CNTNAP2: variants seen among roughly 807,000 people sequenced by gnomAD.
CNTNAP2 encodes contactin-associated protein-like 2.
CNTNAP2 carries 98 observed loss-of-function variants against 155.2 expected under a neutral mutation model. The observed-to-expected ratio is 0.63, with a 90% CI of 0.54 to 0.75. CNTNAP2 has a LOEUF of 0.75. Ranked by LOEUF, CNTNAP2 falls within the 30% of genes least tolerant of loss-of-function variation. CNTNAP2 has a pLI of 0.00. For missense variants in CNTNAP2, 1,727 were observed against 1,688.1 expected (o/e 1.02, Z -0.40); for synonymous variants, 651 against 631.2 (o/e 1.03, Z -0.47).
intron 1 of CNTNAP2, among the ~76,000 whole-genome samples, chr7:146,577,795 T>C (rs1798547611): frequency 1.3e-5 from 2 of 152,106 alleles, no homozygotes; most frequent in Non-Finnish European, 2.9e-5. Flanking sequence ...TCAAGCATGT[T>C]CATTTTTGAT....
intron 13 of CNTNAP2, among the ~76,000 whole-genome samples, chr7:147,741,072 G>C (rs1454564303): frequency 2.0e-5 from 3 of 152,232 alleles, no homozygotes; most frequent in Admixed American, 2.0e-4. Context: ...GGAAGGCAAA[G>C]AGAAGTCTGC....
At chr7:146,694,467 C>A (rs1800749775) in intron 1 of CNTNAP2, among the ~76,000 whole-genome samples, 1 of 152,056 alleles carries the variant, frequency 6.6e-6, no homozygotes, top group Admixed American at 6.6e-5. Flanking sequence ...ATGTATTTGC[C>A]TATTCTTTCA....
At chr7:147,503,219 T>A (rs1480800620) in intron 11 of CNTNAP2, among the ~76,000 whole-genome samples, 1 of 152,140 alleles carries the variant, frequency 6.6e-6, no homozygotes, top group Non-Finnish European at 1.5e-5. Flanking sequence ...TACCTTGACT[T>A]GTACATGCCT....
intron 3 of CNTNAP2, among the ~76,000 whole-genome samples, chr7:146,850,977 T>G (rs910148768): frequency 2.0e-5 from 3 of 152,048 alleles, no homozygotes; most frequent in Admixed American, 6.6e-5. Flanking sequence ...GTTGGTATTT[T>G]ATTTATTTTT....
At chr7:146,599,603 TCTC>T (rs34896994) in intron 1 of CNTNAP2, among the ~76,000 whole-genome samples, 25,125 of 151,854 alleles carry the variant, frequency 0.17, 3,447 homozygotes, top group African/African-American at 0.38. Flanking sequence ...CCATAATTCT[TCTC>T]CTCCTTATAT....
Position 147,960,320 on chromosome 7 carries a change from C to T in CNTNAP2, c.2256-17542C>T, listed in dbSNP as rs892934935. Among the ~76,000 whole-genome samples, 3 of 152,204 alleles carry T rather than the reference C, an allele frequency of 2.0e-5. No homozygotes were observed. The South Asian group carries it at 6.2e-4, about 32-fold the overall frequency. On this transcript the variant is annotated intron_variant, in intron 14 of 23. Transcript: ENST00000361727. ...TGAGTGAGCAGGACAAGTTAGAGTT[C>T]TATGAGGAAGCTTTATGCCGTCACT...
chr7:146,847,733 C>T (rs1352631698), intron 3 of CNTNAP2, among the ~76,000 whole-genome samples: 1 of 152,110 alleles, frequency 6.6e-6, no homozygotes, highest in African/African-American at 2.4e-5. Flanking sequence ...ACAAATGACT[C>T]ATTTGGAAGT....
intron 4 of CNTNAP2, among the ~76,000 whole-genome samples, chr7:147,063,808 A>G (rs889848601): frequency 4.6e-5 from 7 of 152,248 alleles, no homozygotes; most frequent in Middle Eastern, 3.4e-3. Flanking sequence ...TAAAATCTAT[A>G]TTTTCAATAT....
At chr7:146,127,257 C>T (rs950090147) in intron 1 of CNTNAP2, among the ~76,000 whole-genome samples, 4 of 152,128 alleles carry the variant, frequency 2.6e-5, no homozygotes, top group African/African-American at 9.7e-5. Context: ...CGGTCCAAGC[C>T]TCAGAATCTT....
At chr7:147,995,228 A>AC (rs2116886415) in intron 15 of CNTNAP2, among the ~76,000 whole-genome samples, 1 of 152,228 alleles carries the variant, frequency 6.6e-6, no homozygotes, top group South Asian at 2.1e-4. Flanking sequence ...TTTAGCACAA[A>AC]CCACATTGTT....
chr7:146,404,124 C>CAAAAAAAAAAAAAAA (rs1163559597), intron 1 of CNTNAP2, among the ~76,000 whole-genome samples: 5 of 72,742 alleles, frequency 6.9e-5, no homozygotes, highest in Middle Eastern at 8.6e-3. Context: ...GACTCCGTCT[C>CAAAAAAAAAAAAAAA]AAAAAAAAAA....
chr7:147,139,246 T>C (rs748689823), intron 8 of CNTNAP2, among the ~76,000 whole-genome samples: 1 of 152,066 alleles, frequency 6.6e-6, no homozygotes, highest in Non-Finnish European at 1.5e-5. Context: ...TTCATTTAAG[T>C]GTAAGGGCTG....
chr7:146,757,722 TAC>T (rs1468774769), intron 1 of CNTNAP2, among the ~76,000 whole-genome samples: 7 of 152,192 alleles, frequency 4.6e-5, no homozygotes, highest in Non-Finnish European at 7.4e-5. Context: ...GGGAAAATAG[TAC>T]AGTGATTTCC....
At chr7:146,570,785 C>T (rs969348255) in intron 1 of CNTNAP2, among the ~76,000 whole-genome samples, 1 of 151,828 alleles carries the variant, frequency 6.6e-6, no homozygotes, top group African/African-American at 2.4e-5. Context: ...AATTTCCTAT[C>T]AGCAATGATT....
intron 14 of CNTNAP2, among the ~76,000 whole-genome samples, chr7:147,914,553 A>G (rs1342666162): frequency 6.6e-6 from 1 of 151,740 alleles, no homozygotes; most frequent in Non-Finnish European, 1.5e-5. Context: ...CAAAAAAAAA[A>G]AAAAAGAAAG....
At chr7:147,229,952 G>A (rs1367314079) in intron 8 of CNTNAP2, among the ~76,000 whole-genome samples, 1 of 151,848 alleles carries the variant, frequency 6.6e-6, no homozygotes, top group Non-Finnish European at 1.5e-5. Flanking sequence ...AATAGTGAGG[G>A]GGACATAGTT....
chr7:147,752,595 A>G (rs2116505572), intron 13 of CNTNAP2, among the ~76,000 whole-genome samples: 1 of 152,314 alleles, frequency 6.6e-6, no homozygotes, highest in Admixed American at 6.5e-5. Flanking sequence ...AGGTGGAAAA[A>G]TGAGCTCTCA....
At chr7:147,463,552 A>G (rs1242494048) in intron 10 of CNTNAP2, among the ~76,000 whole-genome samples, 1 of 152,174 alleles carries the variant, frequency 6.6e-6, no homozygotes, top group African/African-American at 2.4e-5. Context: ...CTATTAATCC[A>G]ATATCTCTTG....
At chr7:147,527,908 G>T (rs1191055729) in intron 11 of CNTNAP2, among the ~76,000 whole-genome samples, 2 of 152,126 alleles carry the variant, frequency 1.3e-5, no homozygotes, top group Non-Finnish European at 2.9e-5. Context: ...GACAGGAGAG[G>T]GAGGAAAGCA....
Sources: gnomAD v4.1 joint callset for allele counts (sites outside exome capture counted in the v4.1 genomes callset) on GRCh38, gnomAD v4.1.1 for gene constraint, MANE v1.5 for transcripts, NCBI Gene and HGNC (gene_info 2026-07-23, HGNC 2026-07-21) for gene names.